KDM6A: variants seen among roughly 807,000 people sequenced by gnomAD.
The protein encoded by KDM6A is lysine-specific demethylase 6A.
KDM6A carries 11 observed loss-of-function variants against 117.6 expected under a neutral mutation model. The observed-to-expected ratio is 0.09, with a 90% confidence interval of 0.06 to 0.15. The LOEUF (loss-of-function observed/expected upper bound fraction) is 0.15. Ranked by LOEUF, KDM6A falls within the 10% of genes least tolerant of loss-of-function variation. The pLI is 1.00. For missense variants in KDM6A, 799 were observed against 1,077.3 expected (o/e 0.74, Z 3.62); for synonymous variants, 384 against 396.1 (o/e 0.97, Z 0.36).
chrX:44,912,771 TC>T (rs777062650), intron 2 of KDM6A, among the ~76,000 whole-genome samples: 4 of 112,227 alleles, frequency 3.6e-5, no homozygotes, highest in Non-Finnish European at 5.6e-5. Context: ...CAGTTGTCTT[TC>T]CTAATAGCTT....
intron 4 of KDM6A, among the ~76,000 whole-genome samples, chrX:45,000,991 TG>T (rs2041119387): frequency 8.9e-6 from 1 of 112,969 alleles, no homozygotes; most frequent in South Asian, 3.6e-4. Context: ...ACCAGGCATT[TG>T]CATCTTGATA....
chrX:45,080,991 G>A (rs991175171), intron 21 of KDM6A, among the ~76,000 whole-genome samples: 3 of 112,168 alleles, frequency 2.7e-5, no homozygotes, highest in East Asian at 2.8e-4. Flanking sequence ...GGAGTGCAAC[G>A]GCATGATCTC....
chrX:45,005,284 A>G (rs756702359), intron 4 of KDM6A, among the ~76,000 whole-genome samples: 207 of 110,157 alleles, frequency 1.9e-3, no homozygotes, highest in Middle Eastern at 4.6e-3. Flanking sequence ...GTCTGAGGGG[A>G]AAGATTGGGG....
At chrX:44,907,161 G>A (rs1161911474) in intron 2 of KDM6A, among the ~76,000 whole-genome samples, 1 of 111,940 alleles carries the variant, frequency 8.9e-6, no homozygotes, top group Non-Finnish European at 1.9e-5. Context: ...TCCTTTCCGT[G>A]TACTTTTTTT....
intron 2 of KDM6A, among the ~76,000 whole-genome samples, chrX:44,949,343 T>A (rs1352570438): frequency 1.8e-5 from 2 of 111,767 alleles, no homozygotes; most frequent in East Asian, 5.6e-4. Context: ...GCAGTGAACA[T>A]GATGGTGTGC....
At position 45,063,723 on chromosome X, in the gene KDM6A, T is replaced by C. The variant is rs2147997863; in HGVS notation, c.1985T>C (p.Leu662Pro). Residue 662 changes from leucine (L) to proline (P), a missense_variant, in exon 17 of 30, where the codon CTG becomes CCG. By Grantham distance (98) the Leu-to-Pro change is moderately conservative (BLOSUM62 -3). This residue lies in a region of KDM6A where 301 missense variants were observed against 318.3 expected (regional missense o/e 0.95). Coordinates refer to ENST00000611820, the MANE Select transcript of KDM6A (RefSeq NM_001291415.2). The stretch of plus-strand genomic sequence containing the variant: ...GGAAGTAATGGAAACGTGCCTTACC[T>C]GCAGCGAAACGCACTCACTCTACCT... ...GSGSNGNVPY[L>P]QRNALTLPHN... The C allele has an allele frequency of 1.7e-6, 2 of 1,207,548 alleles. No homozygotes were observed. The highest frequency in any genetic ancestry group is 2.2e-6 in the Non-Finnish European group (2 of 892,816).
chrX:44,908,783 C>A (rs2034891878), intron 2 of KDM6A, among the ~76,000 whole-genome samples: 2 of 111,614 alleles, frequency 1.8e-5, no homozygotes, highest in Admixed American at 1.9e-4. Flanking sequence ...GATATTGTGG[C>A]CATTTTTAGG....
intron 2 of KDM6A, among the ~76,000 whole-genome samples, chrX:44,896,617 C>T (rs5952652): frequency 0.13 from 9,806 of 75,498 alleles, 554 homozygotes; most frequent in East Asian, 0.47. Context: ...CTTCCATTAT[C>T]ATTTCCTTTT....
chrX:44,960,083 A>G (rs1052699394), intron 2 of KDM6A, among the ~76,000 whole-genome samples: 1 of 111,835 alleles, frequency 8.9e-6, no homozygotes, highest in Non-Finnish European at 1.9e-5. Flanking sequence ...ATTTCACAGG[A>G]GAGGAAAAAT....
intron 2 of KDM6A, among the ~76,000 whole-genome samples, chrX:44,897,143 T>TC (rs1262830721): frequency 9.2e-5 from 10 of 108,754 alleles, no homozygotes; most frequent in Middle Eastern, 4.7e-3. Context: ...TTGTTCTTTT[T>TC]TTTTTTTTTT....
At chrX:45,073,950 A>G (rs745552402) in intron 18 of KDM6A, among the ~76,000 whole-genome samples, 10 of 111,858 alleles carry the variant, frequency 8.9e-5, no homozygotes, top group Admixed American at 3.8e-4. Flanking sequence ...GTCCTTGCCC[A>G]TGCCTATGTC....
At position 45,047,674 on chromosome X, in the gene KDM6A, C is replaced by CTTT. The variant is rs78749806; in HGVS notation, c.655-4008_655-4006dup. The stretch of plus-strand genomic sequence containing the variant: ...TCAAATATCTGCTTGCTTTTTTTTT[C>CTTT]TTTTTTTTTTTTTTTTTTTTTTTTT... On this transcript the variant is annotated intron_variant, in intron 8 of 29. Coordinates refer to ENST00000611820, the MANE Select transcript of KDM6A (RefSeq NM_001291415.2). Among the ~76,000 whole-genome samples, 9 of 36,357 alleles carry CTTT rather than the reference C, an allele frequency of 2.5e-4. 2 individuals are homozygous for CTTT. The highest frequency in any genetic ancestry group is 3.1e-4 in the Non-Finnish European group (6 of 19,604). The allele number at this position is 36,357 out of a possible 115,157, so 31.6% of individuals were successfully genotyped here.
chrX:44,888,536 T>G lies in KDM6A; in HGVS notation c.225+14549T>G, dbSNP rs1166656042. ...CTAGAAGGAGGGCACAATTAAACTT[T>G]GTTTTAGATTATAATTTTCTTTGAT... is the stretch of plus-strand genomic sequence containing the variant. On this transcript the variant is annotated intron_variant, in intron 2 of 29. Coordinates refer to ENST00000611820, the MANE Select transcript of KDM6A (RefSeq NM_001291415.2). Among the ~76,000 whole-genome samples, 3 of 112,111 alleles carry G rather than the reference T, an allele frequency of 2.7e-5. No individual in the cohort carries two copies. In the East Asian group the frequency reaches 8.3e-4, roughly 31 times the overall value.
chrX:44,997,279 G>A, intron 4 of KDM6A, among the ~76,000 whole-genome samples: 1 of 112,229 alleles, frequency 8.9e-6, no homozygotes, highest in African/African-American at 3.2e-5. Flanking sequence ...TTATTGAGTG[G>A]AAAGTAGCTT....
chrX:44,956,284 A>G (rs7879985), intron 2 of KDM6A, among the ~76,000 whole-genome samples: 12,825 of 111,796 alleles, frequency 0.11, 851 homozygotes, highest in African/African-American at 0.25. Flanking sequence ...TGATCAGACT[A>G]GACCTTGGTG....
At chrX:44,990,198 G>T (rs1023429302) in intron 4 of KDM6A, among the ~76,000 whole-genome samples, 2 of 112,012 alleles carry the variant, frequency 1.8e-5, no homozygotes, top group Admixed American at 1.9e-4. Flanking sequence ...ATAAAACACA[G>T]TTATTTTTTA....
intron 2 of KDM6A, among the ~76,000 whole-genome samples, chrX:44,930,013 A>G (rs957763170): frequency 9.0e-6 from 1 of 111,358 alleles, no homozygotes; most frequent in Non-Finnish European, 1.9e-5. Context: ...TGTGTGGTGT[A>G]GTAGTATCTC....
At chrX:45,083,206 G>A (rs751737425) in intron 23 of KDM6A, among the ~76,000 whole-genome samples, 37 of 111,278 alleles carry the variant, frequency 3.3e-4, no homozygotes, top group African/African-American at 1.1e-3. Context: ...ACGTGAAAAT[G>A]TATTTATAAA....
intron 2 of KDM6A, among the ~76,000 whole-genome samples, chrX:44,876,208 C>T (rs2031523101): frequency 9.0e-6 from 1 of 111,463 alleles, no homozygotes; most frequent in South Asian, 3.7e-4. Flanking sequence ...TAAAATAAAA[C>T]CTTCTGTAAT....
Sources: gnomAD v4.1 joint callset for allele counts (sites outside exome capture counted in the v4.1 genomes callset) on GRCh38, gnomAD v4.1.1 for gene constraint, gnomAD v4.1.1 regional missense constraint, MANE v1.5 for transcripts, NCBI Gene and HGNC (gene_info 2026-07-23, HGNC 2026-07-21) for gene names.